Variants in SERPINA5 observed in about 807,000 individuals in gnomAD.
The protein encoded by SERPINA5 is serpin family A member 5, also known as plasma serine protease inhibitor.
A neutral mutation model predicts 25.3 loss-of-function variants in SERPINA5; 25 were observed. That is an observed-to-expected ratio of 0.99 (90% confidence interval 0.72 to 1.38). SERPINA5 has a LOEUF of 1.38. Among genes scored for constraint, SERPINA5 ranks in the 40% most tolerant of loss-of-function variants. SERPINA5 has a pLI of 0.00. For synonymous variants in SERPINA5, 234 were observed against 206.2 expected, an observed-to-expected ratio of 1.14 and a Z score of -1.16; for missense variants, 599 against 509.5, an observed-to-expected ratio of 1.18 and a Z score of -1.69.
Position 94,587,348 on chromosome 14 carries a change from C to T in SERPINA5, c.-15C>T, listed in dbSNP as rs113135209. ...AGGACACCTTCTTTCCCTTTCAGAA[C>T]AAAGAACAGCCACCATGCAGCTCTT... On this transcript the variant is annotated splice_region_variant and 5_prime_UTR_variant, in exon 3 of 6. Coordinates refer to ENST00000329597, the MANE Select transcript of SERPINA5 (RefSeq NM_000624.6). 1 of 1,585,462 alleles carries T rather than the reference C, an allele frequency of 6.3e-7. No homozygotes were observed. Among genetic ancestry groups the T allele is most frequent in the Non-Finnish European group, 8.6e-7 (1 of 1,168,622 alleles).
intron 2 of SERPINA5, among the ~76,000 whole-genome samples, chr14:94,584,715 C>G (rs982799250): frequency 1.3e-5 from 2 of 152,142 alleles, no homozygotes; most frequent in African/African-American, 4.8e-5. Flanking sequence ...TGCCCCTGGG[C>G]TGTATCCAAT....
chr14:94,587,384 T>C lies in SERPINA5; in HGVS notation c.22T>C (p.Cys8Arg). 1 of 1,610,926 alleles carries C rather than the reference T, an allele frequency of 6.2e-7. No homozygotes were observed. The highest frequency in any genetic ancestry group is 8.5e-7 in the Non-Finnish European group (1 of 1,178,852). The stretch of plus-strand genomic sequence containing the variant: ...CACCATGCAGCTCTTCCTCCTCTTG[T>C]GCCTGGTGCTTCTCAGCCCTCAGGG... Reference protein sequence around the residue: MQLFLLLCLVLLSPQGAS... With the variant: MQLFLLLRLVLLSPQGAS... The change falls in exon 3 of 6, where the codon TGC (cysteine) becomes CGC (arginine). Residue 8 changes from cysteine (C) to arginine (R), a missense_variant. Physicochemically the swap from Cys to Arg is radical, Grantham distance 180. Coordinates refer to ENST00000329597, the MANE Select transcript of SERPINA5 (RefSeq NM_000624.6).
chr14:94,591,602 C>CTATTCTATTCTATTCTAT (rs1361686743), intron 5 of SERPINA5, among the ~76,000 whole-genome samples: 1 of 151,146 alleles, frequency 6.6e-6, no homozygotes, highest in African/African-American at 2.4e-5. Flanking sequence ...CTATTCTATT[C>CTATTCTATTCTATTCTAT]TATTCTATTC....
chr14:94,589,150 A>C (rs1220849538), intron 3 of SERPINA5, among the ~76,000 whole-genome samples: 1 of 152,224 alleles, frequency 6.6e-6, no homozygotes, highest in African/African-American at 2.4e-5. Context: ...GATAACGATT[A>C]AGAAGTTGGA....
intron 2 of SERPINA5, among the ~76,000 whole-genome samples, chr14:94,584,815 G>A (rs1885023397): frequency 6.6e-6 from 1 of 152,178 alleles, no homozygotes; most frequent in Non-Finnish European, 1.5e-5. Flanking sequence ...TTCTTTAGAA[G>A]CATCTCCATA....
At position 94,593,055 on chromosome 14, in the gene SERPINA5, G is replaced by A. The variant is rs1024876246; in HGVS notation, c.*816G>A. On this transcript the variant is annotated 3_prime_UTR_variant, in exon 6 of 6. Coordinates refer to ENST00000329597, the MANE Select transcript of SERPINA5 (RefSeq NM_000624.6). ...GCAAATAGTAGAGTATCAGTTGCAG[G>A]TGCCAATGACTAACTTTTTGAATTC... 6.6e-6 allele frequency: 1 copy of A among 152,018 alleles called. No homozygotes were observed. The highest frequency in any genetic ancestry group is 2.1e-4 in the South Asian group (1 of 4,828). The allele number at this position is 152,018 out of a possible 1,614,324, so 9.4% of individuals were successfully genotyped here. A position where few individuals can be genotyped will look rare whatever the true frequency, so the allele number is the denominator to read the frequency against.
chr14:94,592,380 A>T lies in SERPINA5; in HGVS notation c.*141A>T, dbSNP rs1192069084. 1 of 825,278 alleles carries T rather than the reference A, an allele frequency of 1.2e-6. No homozygotes were observed. The highest frequency in any genetic ancestry group is 1.9e-5 in the South Asian group (1 of 53,338). 51.1% of individuals were successfully genotyped at this position (825,278 alleles called of 1,614,324 possible). A position where few individuals can be genotyped will look rare whatever the true frequency, so the allele number is the denominator to read the frequency against. ...GCATTACAAATAATATTACTCTATG[A>T]TGATTGCTTCCACCCACACGACTGC... is the stretch of plus-strand genomic sequence containing the variant. On this transcript the variant is annotated 3_prime_UTR_variant, in exon 6 of 6. Coordinates refer to ENST00000329597, the MANE Select transcript of SERPINA5 (RefSeq NM_000624.6).
At chr14:94,584,699 G>A (rs565087005) in intron 2 of SERPINA5, among the ~76,000 whole-genome samples, 2 of 152,304 alleles carry the variant, frequency 1.3e-5, no homozygotes, top group East Asian at 3.9e-4. Flanking sequence ...AGACTCTCTG[G>A]TCAGCTGCCC....
At chr14:94,589,145 C>T (rs143086318) in intron 3 of SERPINA5, among the ~76,000 whole-genome samples, 8 of 152,230 alleles carry the variant, frequency 5.3e-5, no homozygotes, top group East Asian at 1.9e-4. Flanking sequence ...CCTTCGATAA[C>T]GATTAAGAAG....
chr14:94,584,147 G>A (rs924627419), intron 2 of SERPINA5, among the ~76,000 whole-genome samples: 4 of 152,182 alleles, frequency 2.6e-5, no homozygotes, highest in African/African-American at 9.7e-5. Flanking sequence ...ACTCCTCAGA[G>A]CCACTCAGAG....
In SERPINA5 at chr14:94,587,815, G is replaced by T; in HGVS notation, c.453G>T (p.Thr151=). ...ACACCTTCGTAAGTGCCATGAAGACGCTGTACCTGGCAGACACTTTCCCTA... is the reference window on the plus strand; with the variant it reads ...ACACCTTCGTAAGTGCCATGAAGACTCTGTACCTGGCAGACACTTTCCCTA... ...LQDTFVSAMK[T]LYLADTFPTN... is the part of the protein sequence containing the mutation. The change falls in exon 3 of 6, where the codon ACG becomes ACT. Residue 151 remains threonine (T), a synonymous_variant. Coordinates refer to ENST00000329597, the MANE Select transcript of SERPINA5 (RefSeq NM_000624.6). 1.2e-6 allele frequency: 2 copies of T among 1,613,926 alleles called. No individual in the cohort carries two copies. The highest frequency in any genetic ancestry group is 1.7e-6 in the Non-Finnish European group (2 of 1,179,830).
intron 2 of SERPINA5, chr14:94,587,026 C>T (rs369724826): frequency 7.7e-6 from 2 of 258,180 alleles, no homozygotes; most frequent in East Asian, 9.0e-5. Flanking sequence ...GCAGAGGGAA[C>T]CCTCTCCCTC....
chr14:94,588,235 G>A (rs2069977), intron 3 of SERPINA5, among the ~76,000 whole-genome samples: 4,634 of 152,172 alleles, frequency 0.03, 218 homozygotes, highest in African/African-American at 0.11. Context: ...CGGGCCCCTG[G>A]GGACATCTGA....
In SERPINA5 at chr14:94,592,999, CT is replaced by C. The variant is rs1193143422; in HGVS notation, c.*761del. The stretch of plus-strand genomic sequence containing the variant: ...TGGATATAGTTATAATCTGATGGGC[CT>C]GGCTGGGAGTGGAAGAAGGGAAGCC... On this transcript the variant is annotated 3_prime_UTR_variant, in exon 6 of 6. Transcript: ENST00000329597. The C allele has an allele frequency of 2.0e-5, 3 of 152,046 alleles. No homozygotes were observed. The highest frequency in any genetic ancestry group is 7.2e-5 in the African/African-American group (3 of 41,550). The allele number at this position is 152,046 out of a possible 1,614,324, so 9.4% of individuals were successfully genotyped here.
At chr14:94,591,482 C>G (rs979241623) in intron 5 of SERPINA5, among the ~76,000 whole-genome samples, 2 of 151,554 alleles carry the variant, frequency 1.3e-5, no homozygotes, top group African/African-American at 4.9e-5. Context: ...TTCTATTCCA[C>G]TCCTCTCCCC....
At chr14:94,588,063 C>T in intron 3 of SERPINA5, 82 bp downstream of exon 3, 2 of 1,510,712 alleles carry the variant, frequency 1.3e-6, no homozygotes, top group Non-Finnish European at 8.9e-7. Context: ...CCCTCACATA[C>T]ATAAAAGACG....
At chr14:94,589,316 T>C (rs1885199253) in intron 3 of SERPINA5, among the ~76,000 whole-genome samples, 1 of 151,970 alleles carries the variant, frequency 6.6e-6, no homozygotes, top group African/African-American at 2.4e-5. Flanking sequence ...GGCATGGTGG[T>C]GGGCGCCTGT....
At chr14:94,591,151 A>C in intron 5 of SERPINA5, among the ~76,000 whole-genome samples, 2 of 126,458 alleles carry the variant, frequency 1.6e-5, no homozygotes, top group Non-Finnish European at 1.7e-5. Flanking sequence ...ATTCCATTCC[A>C]CTCCATTCCA....
At chr14:94,589,489 A>C (rs969234530) in intron 3 of SERPINA5, among the ~76,000 whole-genome samples, 4 of 152,076 alleles carry the variant, frequency 2.6e-5, no homozygotes, top group African/African-American at 9.7e-5. Context: ...AAGAAATAAA[A>C]TAAAATAAAA....
Sources: gnomAD v4.1 joint callset for allele counts (sites outside exome capture counted in the v4.1 genomes callset) on GRCh38, gnomAD v4.1.1 for gene constraint, MANE v1.5 for transcripts, NCBI Gene and HGNC (gene_info 2026-07-23, HGNC 2026-07-21) for gene names.